The following VCAN variants were observed in gnomAD, a reference collection of about 807,000 sequenced individuals.
The protein encoded by VCAN is versican core protein.
In VCAN, 44 loss-of-function variants were observed where a neutral mutation model predicts 245.5. The ratio of observed to expected loss-of-function variants is 0.18; its 90% CI spans 0.14 to 0.23. VCAN has a LOEUF of 0.23. Among genes scored for constraint, VCAN ranks in the 10% least tolerant of loss-of-function variants. The pLI, the probability that VCAN is intolerant of heterozygous loss-of-function variation, is 1.00. For synonymous variants in VCAN, 1,413 were observed against 1,437.0 expected, an observed-to-expected ratio of 0.98 and a Z score of 0.38; for missense variants, 3,793 against 4,057.9, an observed-to-expected ratio of 0.93 and a Z score of 1.77.
Position 83,485,757 on chromosome 5 carries a change from G to T in VCAN, c.70+2169G>T, listed in dbSNP as rs146117264. On this transcript the variant is annotated intron_variant, in intron 2 of 14. Coordinates refer to ENST00000265077, the MANE Select transcript of VCAN (RefSeq NM_004385.5). ...CAAGAATAAATTGACTCCTGGGATGGCTCTCTTTCCCCTTTTCACCTCCAG... is the reference window on the plus strand; with the variant it reads ...CAAGAATAAATTGACTCCTGGGATGTCTCTCTTTCCCCTTTTCACCTCCAG... 8.4e-4 allele frequency among the ~76,000 whole-genome samples: 128 copies of T among 152,126 alleles called. 1 individual carries two copies. The Middle Eastern group carries it at 0.031, about 37-fold the overall frequency.
intron 12 of VCAN, among the ~76,000 whole-genome samples, chr5:83,568,127 AAGTTAAT>A (rs79786806): frequency 1.3e-5 from 1 of 75,972 alleles, no homozygotes; most frequent in Non-Finnish European, 2.8e-5. Context: ...ATTGAAGCTA[AAGTTAAT>A]TTTTTTTTTA....
intron 2 of VCAN, among the ~76,000 whole-genome samples, chr5:83,488,947 T>C (rs1744877580): frequency 6.6e-6 from 1 of 152,224 alleles, no homozygotes; most frequent in South Asian, 2.1e-4. Flanking sequence ...TTAAAGGATA[T>C]ATCTCCATAG....
intron 1 of VCAN, among the ~76,000 whole-genome samples, chr5:83,481,858 A>T (rs1006632920): frequency 3.9e-5 from 6 of 152,200 alleles, no homozygotes; most frequent in Non-Finnish European, 5.9e-5. Flanking sequence ...TAAATGCTGT[A>T]CAACTCCAAG....
intron 5 of VCAN, among the ~76,000 whole-genome samples, chr5:83,499,892 G>A (rs971446621): frequency 3.3e-5 from 5 of 151,856 alleles, no homozygotes; most frequent in Admixed American, 1.3e-4. Context: ...TTCCATTTTT[G>A]TTACTTTATG....
At chr5:83,514,121 GAGTAACCAAAA>G (rs1463921247) in intron 6 of VCAN, among the ~76,000 whole-genome samples, 10 of 152,012 alleles carry the variant, frequency 6.6e-5, no homozygotes, top group African/African-American at 2.4e-4. Flanking sequence ...TGTTTAAATA[GAGTAACCAAAA>G]TCTGCACAAA....
chr5:83,553,644 A>G, intron 11 of VCAN, 122 bp downstream of exon 11: 1 of 1,302,516 alleles, frequency 7.7e-7, no homozygotes, highest in Non-Finnish European at 1.1e-6. Context: ...CAAATCCCTC[A>G]TCTGTGAATT....
intron 7 of VCAN, among the ~76,000 whole-genome samples, chr5:83,528,989 T>TACACACACACACACACACACAC (rs58804437): frequency 1.5e-4 from 21 of 141,406 alleles, no homozygotes; most frequent in African/African-American, 4.8e-4. Flanking sequence ...GAAACAAAGA[T>TACACACACACACACACACACAC]ACACACACAC....
intron 13 of VCAN, among the ~76,000 whole-genome samples, chr5:83,577,289 G>A (rs1465719520): frequency 6.6e-6 from 1 of 152,120 alleles, no homozygotes; most frequent in African/African-American, 2.4e-5. Context: ...TGATTAATAT[G>A]TAGCCTACTG....
intron 7 of VCAN, among the ~76,000 whole-genome samples, chr5:83,527,361 CT>C (rs1334664630): frequency 6.6e-6 from 1 of 152,162 alleles, no homozygotes; most frequent in Non-Finnish European, 1.5e-5. Flanking sequence ...TCCGTGGTTC[CT>C]TTTCCTGAGC....
At chr5:83,559,541 T>G (rs1333622582) in intron 12 of VCAN, among the ~76,000 whole-genome samples, 3 of 152,100 alleles carry the variant, frequency 2.0e-5, no homozygotes, top group Non-Finnish European at 2.9e-5. Flanking sequence ...GTTTAGCATA[T>G]TCTCACGTCT....
At chr5:83,567,455 T>C (rs990666539) in intron 12 of VCAN, among the ~76,000 whole-genome samples, 3 of 145,608 alleles carry the variant, frequency 2.1e-5, no homozygotes, top group Admixed American at 7.0e-5. Flanking sequence ...TGGCTGCCAC[T>C]ACGTCCGGCT....
chr5:83,511,882 T>C (rs928500759), intron 5 of VCAN, among the ~76,000 whole-genome samples: 9 of 152,224 alleles, frequency 5.9e-5, no homozygotes, highest in Non-Finnish European at 1.0e-4. Context: ...CATACACGTA[T>C]AGAATAAAAC....
At chr5:83,522,432 A>G in intron 7 of VCAN, 123 bp downstream of exon 7, 1 of 1,046,862 alleles carries the variant, frequency 9.6e-7, no homozygotes, top group Non-Finnish European at 1.4e-6. Context: ...AGTGTGAAAA[A>G]TAAATGTTTT....
intron 5 of VCAN, among the ~76,000 whole-genome samples, chr5:83,509,901 A>G (rs572180124): frequency 1.4e-4 from 21 of 152,326 alleles, no homozygotes; most frequent in Non-Finnish European, 2.6e-4. Flanking sequence ...TTTGTAGCAG[A>G]GTTAGCTTTA....
chr5:83,549,621 A>G (rs1747382334), intron 10 of VCAN, among the ~76,000 whole-genome samples: 1 of 152,184 alleles, frequency 6.6e-6, no homozygotes, highest in Admixed American at 6.5e-5. Flanking sequence ...TTTGGAAGGG[A>G]CTTTGGTGCC....
In VCAN at chr5:83,490,171, G is replaced by A. The variant is rs777382241; in HGVS notation, c.144G>A (p.Thr48=). 8 of 1,614,102 alleles carry A rather than the reference G, an allele frequency of 5.0e-6. No individual in the cohort carries two copies. Among genetic ancestry groups the A allele is most frequent in the South Asian group, 3.3e-5 (3 of 91,080 alleles). ...TCAGCCTACCTTGTCATTTTTCAAC[G>A]ATGCCTACTTTGCCACCCAGTTACA... is the stretch of plus-strand genomic sequence containing the variant. ...GKVSLPCHFS[T]MPTLPPSYNT... Residue 48 remains threonine, a synonymous_variant, in exon 3 of 15, where the codon ACG becomes ACA. Transcript: ENST00000265077.
rs544603471 is a variant in VCAN, at chr5:83,522,718, C to T, written c.4003+409C>T. Among the ~76,000 whole-genome samples, 6 of 152,224 alleles carry T rather than the reference C, an allele frequency of 3.9e-5. 1 individual carries two copies. The East Asian group carries it at 1.2e-3, about 29-fold the overall frequency. ...TACTTACAATGTGGACGGCTAAAATCGTTTTGCATATCCCTAAGGTTGACA... is the reference window on the plus strand; with the variant it reads ...TACTTACAATGTGGACGGCTAAAATTGTTTTGCATATCCCTAAGGTTGACA... On this transcript the variant is annotated intron_variant, in intron 7 of 14. Coordinates refer to ENST00000265077, the MANE Select transcript of VCAN (RefSeq NM_004385.5).
intron 7 of VCAN, among the ~76,000 whole-genome samples, chr5:83,528,688 C>T (rs918131517): frequency 6.6e-6 from 1 of 152,048 alleles, no homozygotes; most frequent in South Asian, 2.1e-4. Context: ...TACACACTTA[C>T]AAAGTTAAAT....
At chr5:83,511,826 T>C (rs180695617) in intron 5 of VCAN, among the ~76,000 whole-genome samples, 18 of 152,296 alleles carry the variant, frequency 1.2e-4, no homozygotes, top group Non-Finnish European at 2.5e-4. Flanking sequence ...GAATGTATTA[T>C]AAAATGTTAT....
Sources: gnomAD v4.1 joint callset for allele counts (sites outside exome capture counted in the v4.1 genomes callset) on GRCh38, gnomAD v4.1.1 for gene constraint, MANE v1.5 for transcripts, NCBI Gene and HGNC (gene_info 2026-07-23, HGNC 2026-07-21) for gene names.